ANKS1B: variants seen among roughly 807,000 people sequenced by gnomAD.
ANKS1B encodes ankyrin repeat and sterile alpha motif domain containing 1B.
Under a neutral mutation model 148.3 loss-of-function variants are expected in ANKS1B, and 36 were observed. That is an observed-to-expected ratio of 0.24 (90% CI 0.19 to 0.32). The LOEUF (loss-of-function observed/expected upper bound fraction) is 0.32, where lower values mean the gene tolerates loss of function less well. Ranked by LOEUF, ANKS1B falls within the 10% of genes least tolerant of loss-of-function variation. The pLI, the probability that ANKS1B is intolerant of heterozygous loss-of-function variation, is 1.00. For missense variants in ANKS1B, 1,157 were observed against 1,542.6 expected, an observed-to-expected ratio of 0.75 and a Z score of 4.19; for synonymous variants, 542 against 560.8, an observed-to-expected ratio of 0.97 and a Z score of 0.47.
At chr12:98,797,728 A>T (rs1444137220) in intron 22 of ANKS1B, among the ~76,000 whole-genome samples, 1 of 152,206 alleles carries the variant, frequency 6.6e-6, no homozygotes, top group African/African-American at 2.4e-5. Flanking sequence ...ATGAAGATTC[A>T]CACATATTTA....
At chr12:99,331,251 C>T (rs1459242959) in intron 12 of ANKS1B, among the ~76,000 whole-genome samples, 3 of 151,762 alleles carry the variant, frequency 2.0e-5, no homozygotes, top group Admixed American at 6.6e-5. Context: ...GTTTACTTAA[C>T]GTCCTAAAAA....
intron 17 of ANKS1B, among the ~76,000 whole-genome samples, chr12:99,036,638 G>A (rs1023482809): frequency 1.3e-5 from 2 of 152,200 alleles, no homozygotes; most frequent in African/African-American, 2.4e-5. Context: ...TACAAATACA[G>A]TAGGGAGAGG....
intron 12 of ANKS1B, among the ~76,000 whole-genome samples, chr12:99,397,286 A>G (rs576095583): frequency 2.6e-5 from 4 of 152,154 alleles, no homozygotes; most frequent in African/African-American, 9.7e-5. Flanking sequence ...TAATTAATTC[A>G]TTGTTAATCT....
chr12:98,801,088 G>T lies in ANKS1B; in HGVS notation c.3179C>A (p.Pro1060His). Residue 1060 changes from proline (P) to histidine (H), a missense_variant, in exon 21 of 27, where the codon CCT (proline) becomes CAT (histidine). By Grantham distance (77) the Pro-to-His change is moderately conservative. Around this residue, in one of 6 missense-constraint regions of ANKS1B, gnomAD observed 258 missense variants for 497.0 expected, o/e 0.52. Transcript: ENST00000683438. The surrounding 1 kb of genome is among the most constrained non-coding windows in gnomAD (Gnocchi z 5.2). ...DWGEPSITLR[P>H]PNEATASTPV... ...GGTAGAGGCTGTGGCTTCATTCGGAGGTCGCAAGGTAATGGAAGGTTCTCC... is the reference window on the plus strand; with the variant it reads ...GGTAGAGGCTGTGGCTTCATTCGGATGTCGCAAGGTAATGGAAGGTTCTCC... The T allele has an allele frequency of 6.2e-7, 1 of 1,612,750 alleles. No homozygotes were observed. The highest frequency in any genetic ancestry group is 8.5e-7 in the Non-Finnish European group (1 of 1,179,436).
chr12:99,550,081 C>T (rs1170952304), intron 9 of ANKS1B, among the ~76,000 whole-genome samples: 1 of 152,230 alleles, frequency 6.6e-6, no homozygotes, highest in East Asian at 1.9e-4. Flanking sequence ...AACTCTCTCT[C>T]TCTTTTACCC....
chr12:98,936,638 C>A (rs1036238087), intron 17 of ANKS1B, among the ~76,000 whole-genome samples: 2 of 151,696 alleles, frequency 1.3e-5, no homozygotes, highest in Admixed American at 6.6e-5. Flanking sequence ...AAAAAAAGAA[C>A]AATTAATTCT....
chr12:99,481,459 T>C (rs1024838332), intron 10 of ANKS1B, among the ~76,000 whole-genome samples: 7 of 152,020 alleles, frequency 4.6e-5, no homozygotes, highest in Non-Finnish European at 8.8e-5. Context: ...GCACTTAGCT[T>C]GCTTCCACAT....
At chr12:99,229,491 G>T (rs2086487673) in intron 14 of ANKS1B, among the ~76,000 whole-genome samples, 2 of 151,660 alleles carry the variant, frequency 1.3e-5, no homozygotes, top group African/African-American at 4.8e-5. Flanking sequence ...CTAACTCCCT[G>T]GAAGTTTACA....
intron 8 of ANKS1B, among the ~76,000 whole-genome samples, chr12:99,763,049 T>C (rs536158339): frequency 6.6e-6 from 1 of 152,138 alleles, no homozygotes; most frequent in Non-Finnish European, 1.5e-5. Context: ...TTTGTGGGAA[T>C]GTCAGTTAAT....
At chr12:99,666,972 C>T (rs997711805) in intron 8 of ANKS1B, among the ~76,000 whole-genome samples, 2 of 151,676 alleles carry the variant, frequency 1.3e-5, no homozygotes, top group Non-Finnish European at 2.9e-5. Flanking sequence ...AGTTACCATG[C>T]TATGCATTTG....
chr12:99,649,790 G>T (rs1202735110), intron 9 of ANKS1B: 1 of 160,332 alleles, frequency 6.2e-6, no homozygotes, highest in Non-Finnish European at 1.4e-5. Flanking sequence ...TACTGAGAAG[G>T]CTGTTGCATT....
intron 9 of ANKS1B, among the ~76,000 whole-genome samples, chr12:99,601,755 G>A (rs2097801905): frequency 6.6e-6 from 1 of 152,068 alleles, no homozygotes; most frequent in Non-Finnish European, 1.5e-5. Flanking sequence ...GATGAAGAAT[G>A]GACAGTTGTG....
intron 12 of ANKS1B, among the ~76,000 whole-genome samples, chr12:99,369,051 C>G (rs561537969): frequency 1.3e-5 from 2 of 152,254 alleles, no homozygotes; most frequent in Middle Eastern, 3.4e-3. Context: ...CCCAACAGTT[C>G]ATTTACCCCA....
intron 2 of ANKS1B, among the ~76,000 whole-genome samples, chr12:99,815,473 G>A (rs2153670808): frequency 6.6e-6 from 1 of 151,764 alleles, no homozygotes; most frequent in Admixed American, 6.6e-5. Context: ...TTTGTTAAAT[G>A]TGCTTATTTT....
At chr12:98,799,666 T>C (rs1452650120) in intron 21 of ANKS1B, among the ~76,000 whole-genome samples, 1 of 152,112 alleles carries the variant, frequency 6.6e-6, no homozygotes, top group Non-Finnish European at 1.5e-5. Context: ...AACTACTTTG[T>C]TGTTAGAAGA....
intron 16 of ANKS1B, among the ~76,000 whole-genome samples, 187 bp from the exon 17 acceptor site, chr12:99,053,496 A>T (rs181372808): frequency 6.6e-6 from 1 of 152,206 alleles, no homozygotes; most frequent in Admixed American, 6.5e-5. Context: ...TTCACGCTGA[A>T]TAGGTTTTCA....
chr12:99,468,751 C>T (rs2152894246), intron 10 of ANKS1B, among the ~76,000 whole-genome samples: 1 of 152,272 alleles, frequency 6.6e-6, no homozygotes, highest in South Asian at 2.1e-4. Flanking sequence ...TACCATCTCA[C>T]ACCAGTTAGA....
At chr12:98,987,693 C>T (rs2099924272) in intron 17 of ANKS1B, among the ~76,000 whole-genome samples, 1 of 150,846 alleles carries the variant, frequency 6.6e-6, no homozygotes, top group Admixed American at 6.6e-5. Context: ...GGACCGGTCA[C>T]AGAACTCAAA....
intron 17 of ANKS1B, among the ~76,000 whole-genome samples, chr12:98,854,858 A>T (rs892708141): frequency 6.6e-6 from 1 of 152,200 alleles, no homozygotes; most frequent in Non-Finnish European, 1.5e-5. Flanking sequence ...TAATCTGAAT[A>T]AAGTTTTTAA....
Sources: gnomAD v4.1 joint callset for allele counts (sites outside exome capture counted in the v4.1 genomes callset) on GRCh38, gnomAD v4.1.1 for gene constraint, gnomAD v4.1.1 regional missense constraint, Gnocchi (gnomAD v3.1) non-coding constraint, MANE v1.5 for transcripts, NCBI Gene and HGNC (gene_info 2026-07-23, HGNC 2026-07-21) for gene names.